KCNA7: variants seen among roughly 807,000 people sequenced by gnomAD.
KCNA7 encodes potassium channel, voltage gated shaker related subfamily A, member 7.
In KCNA7, 15 loss-of-function variants were observed where a neutral mutation model predicts 21.5. The ratio of observed to expected loss-of-function variants is 0.70; its 90% CI spans 0.47 to 1.07. KCNA7 has a LOEUF of 1.07. Ranked by LOEUF, KCNA7 falls within the 50% of genes least tolerant of loss-of-function variation. The probability of loss-of-function intolerance (pLI) is 0.00; values close to 1 mark genes in which losing one functional copy is unlikely to be tolerated. For synonymous variants in KCNA7, 298 were observed against 291.0 expected (o/e 1.02, Z -0.24); for missense variants, 640 against 651.6 (o/e 0.98, Z 0.19).
chr19:49,071,533 G>A lies in KCNA7; in HGVS notation c.555+498C>T, dbSNP rs530720755. ...ATAGCGCCATTGCACTCCAGCCTGG[G>A]CGACAGAGCAAGACTCTGTCTCACA... On this transcript the variant is annotated intron_variant, in intron 1 of 1. Transcript: ENST00000221444. Among the ~76,000 whole-genome samples the A allele has an allele frequency of 3.7e-4, 56 of 151,938 alleles. 1 individual carries two copies. The highest frequency in any genetic ancestry group is 3.4e-3 in the Middle Eastern group (1 of 294).
intron 1 of KCNA7, 96 bp downstream of exon 1, chr19:49,071,929 CTCGCAG>C: frequency 1.7e-6 from 2 of 1,198,786 alleles, no homozygotes; most frequent in Non-Finnish European, 1.1e-6. Context: ...TGGCCCACCC[CTCGCAG>C]CCCCTGGCCC....
chr19:49,071,984 A>T lies in KCNA7; in HGVS notation c.555+47T>A, dbSNP rs115128299. The T allele has an allele frequency of 3.2e-4, 395 of 1,247,262 alleles. 2 individuals are homozygous for T. The African/African-American group carries it at 6.3e-3, about 20-fold the overall frequency. The allele number at this position is 1,247,262 out of a possible 1,614,324, so 77.3% of individuals were successfully genotyped here. A position where few individuals can be genotyped will look rare whatever the true frequency, so the allele number is the denominator to read the frequency against. ...GCCAGGTCCCCTCTGGACCCCGCCC[A>T]TCTCCTCCCAAACCCCGCCCGTCTC... On this transcript the variant is annotated intron_variant, in intron 1 of 1. Transcript: ENST00000221444.
rs45483292 is a variant in KCNA7, at chr19:49,067,675, G to A, written c.*2388C>T. 0.039 allele frequency: 5,902 copies of A among 152,208 alleles called. 145 individuals carry two copies. Among genetic ancestry groups the A allele is most frequent in the East Asian group, 0.086 (445 of 5,158 alleles). The allele number at this position is 152,208 out of a possible 1,614,324, so 9.4% of individuals were successfully genotyped here. A position where few individuals can be genotyped will look rare whatever the true frequency, so the allele number is the denominator to read the frequency against. Reference sequence around the variant, plus strand: ...GTGAAGCAGACAGACAGCCTGCCTGGCCCCTGGGGACAAGCTGTGAGACCT... The same window carrying A: ...GTGAAGCAGACAGACAGCCTGCCTGACCCCTGGGGACAAGCTGTGAGACCT... On this transcript the variant is annotated 3_prime_UTR_variant, in exon 2 of 2. Coordinates refer to ENST00000221444, the MANE Select transcript of KCNA7 (RefSeq NM_031886.3).
In KCNA7 at chr19:49,072,181, A is replaced by G; in HGVS notation, c.405T>C (p.Phe135=). ...CGCGCGCGGCCTGAGAGCTCTCGGG[A>G]AACTCGAAAAGCAGCCACAGCTGGC... is the stretch of plus-strand genomic sequence containing the variant. The part of the protein sequence containing the change: ...FARQLWLLFE[F]PESSQAARVL... The change falls in exon 1 of 2, where the codon TTT becomes TTC. Residue 135 remains phenylalanine, a synonymous_variant. Coordinates refer to ENST00000221444, the MANE Select transcript of KCNA7 (RefSeq NM_031886.3). 6.2e-7 allele frequency: 1 copy of G among 1,611,588 alleles called. No homozygotes were observed.
In KCNA7 at chr19:49,070,902, G is replaced by A. The variant is rs1263721479; in HGVS notation, c.556-24C>T. 5.7e-6 allele frequency: 9 copies of A among 1,592,658 alleles called. No homozygotes were observed. The highest frequency in any genetic ancestry group is 7.7e-6 in the Non-Finnish European group (9 of 1,167,576). Reference sequence around the variant, plus strand: ...AACTGCAGGGAGGAAAGTGTTCAGGGAGGGTCAGGCTGGGGCTAGGACACG... The same window carrying A: ...AACTGCAGGGAGGAAAGTGTTCAGGAAGGGTCAGGCTGGGGCTAGGACACG... On this transcript the variant is annotated intron_variant, in intron 1 of 1. Transcript: ENST00000221444. This position sits in a 1 kb window ranked among gnomAD's most constrained non-coding sequence, Gnocchi z 4.3.
At position 49,070,868 on chromosome 19, in the gene KCNA7, G is replaced by T. The variant is rs1611775; in HGVS notation, c.566C>A (p.Pro189Gln). ...AAAAAGPFPA[P>Q]LNGSSQMPGN... The stretch of plus-strand genomic sequence containing the variant: ...AGGCATTTGGCTGGAGCCATTCAGC[G>T]GAGCGGGGAACTGCAGGGAGGAAAG... Residue 189 changes from proline (P) to glutamine (Q), a missense_variant, in exon 2 of 2, where the codon CCG becomes CAG. Transcript: ENST00000221444. The surrounding 1 kb of genome is among the most constrained non-coding windows in gnomAD (Gnocchi z 4.3). The T allele has an allele frequency of 1.2e-6, 2 of 1,612,066 alleles. No homozygotes were observed. The highest frequency in any genetic ancestry group is 8.5e-7 in the Non-Finnish European group (1 of 1,178,894).
rs2040263909 is a variant in KCNA7 at position 49,072,196 on chromosome 19, C to A, written c.390G>T (p.Trp130Cys). The A allele has an allele frequency of 6.2e-7, 1 of 1,611,518 alleles. No homozygotes were observed. The highest frequency in any genetic ancestry group is 2.2e-5 in the East Asian group (1 of 44,836). ...AGCTCTCGGGAAACTCGAAAAGCAG[C>A]CACAGCTGGCGGGCGAAGGCGCGGC... Reference protein sequence around the residue: ...LPRRAFARQLWLLFEFPESSQ... With the variant: ...LPRRAFARQLCLLFEFPESSQ... The change falls in exon 1 of 2, where the codon TGG (tryptophan) becomes TGT (cysteine). Residue 130 changes from tryptophan to cysteine, a missense_variant. By Grantham distance (215) the Trp-to-Cys change is radical. Coordinates refer to ENST00000221444, the MANE Select transcript of KCNA7 (RefSeq NM_031886.3).
In KCNA7 at chr19:49,068,568, C is replaced by T. The variant is rs1291966414; in HGVS notation, c.*1495G>A. 6.6e-6 allele frequency: 1 copy of T among 152,396 alleles called. No individual in the cohort carries two copies. The highest frequency in any genetic ancestry group is 6.5e-5 in the Admixed American group (1 of 15,286). 9.4% of individuals were successfully genotyped at this position (152,396 alleles called of 1,614,324 possible). A position where few individuals can be genotyped will look rare whatever the true frequency, so the allele number is the denominator to read the frequency against. On this transcript the variant is annotated 3_prime_UTR_variant, in exon 2 of 2. Transcript: ENST00000221444. ...CCTCAATCAATCCCCCTTCCTCGGT[C>T]TCCCAGAGTGCTGAGATTACAGGCA...
Position 49,072,088 on chromosome 19 carries a change from A to C in KCNA7, c.498T>G (p.Pro166=). 2 of 1,611,724 alleles carry C rather than the reference A, an allele frequency of 1.2e-6. No homozygotes were observed. Among genetic ancestry groups the C allele is most frequent in the South Asian group, 2.2e-5 (2 of 91,002 alleles). ...TGCCGTCGCGGTCGTCGCGGAAGTCAGGCAGCGTCTCGAGGCAGAAGACGA... is the reference window on the plus strand; with the variant it reads ...TGCCGTCGCGGTCGTCGCGGAAGTCCGGCAGCGTCTCGAGGCAGAAGACGA... ...SIVVFCLETL[P]DFRDDRDGTG... The change falls in exon 1 of 2, where the codon CCT becomes CCG. Residue 166 remains proline (P), a synonymous_variant. Transcript: ENST00000221444.
In KCNA7 at chr19:49,072,280, G is replaced by A. The variant is rs779409767; in HGVS notation, c.306C>T (p.Ala102=). The A allele has an allele frequency of 1.8e-5, 29 of 1,580,436 alleles. No individual in the cohort carries two copies. The highest frequency in any genetic ancestry group is 2.5e-5 in the Non-Finnish European group (29 of 1,168,118). ...EVAFYGLGAA[A]LARLREDEGC... ...CCTCGTCCTCGCGCAGGCGTGCCAG[G>A]GCCGCCGCGCCCAGCCCGTAGAAGG... Residue 102 remains alanine (A), a synonymous_variant, in exon 1 of 2, where the codon GCC becomes GCT. Transcript: ENST00000221444.
At position 49,070,140 on chromosome 19, in the gene KCNA7, G is replaced by C; in HGVS notation, c.1294C>G (p.Leu432Val). The C allele has an allele frequency of 6.2e-7, 1 of 1,613,600 alleles. No individual in the cohort carries two copies. Among genetic ancestry groups the C allele is most frequent in the Non-Finnish European group, 8.5e-7 (1 of 1,179,800 alleles). Reference protein sequence around the residue: ...GPLEGKANGGLVDGEVPELPP... With the variant: ...GPLEGKANGGVVDGEVPELPP... ...AGCTCAGGTACCTCCCCGTCCACCA[G>C]CCCCCCATTGGCCTTGCCCTCCAGT... The change falls in exon 2 of 2, where the codon CTG becomes GTG. Residue 432 changes from leucine (L) to valine (V), a missense_variant. Coordinates refer to ENST00000221444, the MANE Select transcript of KCNA7 (RefSeq NM_031886.3). The surrounding 1 kb of genome is among the most constrained non-coding windows in gnomAD (Gnocchi z 4.3).
At position 49,071,557 on chromosome 19, in the gene KCNA7, C is replaced by A. The variant is rs1424997273; in HGVS notation, c.555+474G>T. On this transcript the variant is annotated intron_variant, in intron 1 of 1. Coordinates refer to ENST00000221444, the MANE Select transcript of KCNA7 (RefSeq NM_031886.3). ...GGCGACAGAGCAAGACTCTGTCTCA[C>A]AGGAAATAAAAAAAAAAAGACCTTC... 3.8e-4 allele frequency among the ~76,000 whole-genome samples: 56 copies of A among 146,228 alleles called. No homozygotes were observed. The Middle Eastern group carries it at 0.027, about 72-fold the overall frequency.
Position 49,070,910 on chromosome 19 carries a change from G to C in KCNA7, c.556-32C>G. 1.3e-6 allele frequency: 2 copies of C among 1,575,550 alleles called. No individual in the cohort carries two copies. Among genetic ancestry groups the C allele is most frequent in the South Asian group, 2.3e-5 (2 of 86,594 alleles). On this transcript the variant is annotated intron_variant, in intron 1 of 1. Coordinates refer to ENST00000221444, the MANE Select transcript of KCNA7 (RefSeq NM_031886.3). The surrounding 1 kb of genome is among the most constrained non-coding windows in gnomAD (Gnocchi z 4.3). ...GGAGGAAAGTGTTCAGGGAGGGTCAGGCTGGGGCTAGGACACGGGGACAGC... is the reference window on the plus strand; with the variant it reads ...GGAGGAAAGTGTTCAGGGAGGGTCACGCTGGGGCTAGGACACGGGGACAGC...
rs777262213 is a variant in KCNA7 at position 49,070,730 on chromosome 19, G to A, written c.704C>T (p.Ala235Val). The stretch of plus-strand genomic sequence containing the variant: ...GTTCATCACGTTCTTGAAGAAGATA[G>A]CCTTGCTTGGACAGACCAGGAGGCG... ...LVRLLVCPSK[A>V]IFFKNVMNLI... Residue 235 changes from alanine to valine, a missense_variant, in exon 2 of 2, where the codon GCT becomes GTT. Ala to Val is a moderately conservative substitution (Grantham distance 64). Coordinates refer to ENST00000221444, the MANE Select transcript of KCNA7 (RefSeq NM_031886.3). This position sits in a 1 kb window ranked among gnomAD's most constrained non-coding sequence, Gnocchi z 4.3. The A allele has an allele frequency of 1.1e-5, 17 of 1,614,076 alleles. No homozygotes were observed. The highest frequency in any genetic ancestry group is 3.3e-5 in the Admixed American group (2 of 59,996).
Position 49,069,845 on chromosome 19 carries a change from A to G in KCNA7, c.*218T>C, listed in dbSNP as rs1485970003. The G allele has an allele frequency of 3.5e-6, 2 of 569,014 alleles. No individual in the cohort carries two copies. Among genetic ancestry groups the G allele is most frequent in the Non-Finnish European group, 6.2e-6 (2 of 320,526 alleles). 35.2% of individuals were successfully genotyped at this position (569,014 alleles called of 1,614,324 possible). Reference sequence around the variant, plus strand: ...GAACCAATTGAGTCTTCATTAACACAACACAACCCATTGCCATTCGCTGCT... The same window carrying G: ...GAACCAATTGAGTCTTCATTAACACGACACAACCCATTGCCATTCGCTGCT... On this transcript the variant is annotated 3_prime_UTR_variant, in exon 2 of 2. Transcript: ENST00000221444.
chr19:49,069,217 G>A lies in KCNA7; in HGVS notation c.*846C>T, dbSNP rs966642578. Reference sequence around the variant, plus strand: ...GTCCAACTCAACCCAACTTCCTGTAGGACTCACATAGTGACACAACTCAAT... The same window carrying A: ...GTCCAACTCAACCCAACTTCCTGTAAGACTCACATAGTGACACAACTCAAT... On this transcript the variant is annotated 3_prime_UTR_variant, in exon 2 of 2. Coordinates refer to ENST00000221444, the MANE Select transcript of KCNA7 (RefSeq NM_031886.3). 3.3e-5 allele frequency: 5 copies of A among 152,158 alleles called. No homozygotes were observed. The highest frequency in any genetic ancestry group is 2.6e-4 in the Admixed American group (4 of 15,276). 9.4% of individuals were successfully genotyped at this position (152,158 alleles called of 1,614,324 possible).
In KCNA7 at chr19:49,069,978, TC is replaced by T; in HGVS notation, c.*84del. 9.3e-7 allele frequency: 1 copy of T among 1,069,794 alleles called. No homozygotes were observed. The highest frequency in any genetic ancestry group is 1.4e-6 in the Non-Finnish European group (1 of 728,518). The allele number at this position is 1,069,794 out of a possible 1,614,324, so 66.3% of individuals were successfully genotyped here. On this transcript the variant is annotated 3_prime_UTR_variant, in exon 2 of 2. Coordinates refer to ENST00000221444, the MANE Select transcript of KCNA7 (RefSeq NM_031886.3). ...TTAACCTAGCTCTTCCTAAACCCAATCCCCTCCCCCCAGCCTTGCCCTCCAC... is the reference window on the plus strand; with the variant it reads ...TTAACCTAGCTCTTCCTAAACCCAATCCCTCCCCCCAGCCTTGCCCTCCAC...
At position 49,072,476 on chromosome 19, in the gene KCNA7, G is replaced by C. The variant is rs780652724; in HGVS notation, c.110C>G (p.Thr37Ser). Residue 37 changes from threonine (T) to serine (S), a missense_variant, in exon 1 of 2, where the codon ACT becomes AGT. Thr to Ser is a moderately conservative substitution (Grantham distance 58, BLOSUM62 1). Transcript: ENST00000221444. ...GCGGCGCGCTGGGTCCCCTAGCAGA[G>C]TGTCCGGGAAGCGGCCCAGCGTGCG... ...RARTLGRFPD[T>S]LLGDPARRGR... 9.6e-6 allele frequency: 15 copies of C among 1,554,442 alleles called. No homozygotes were observed. The highest frequency in any genetic ancestry group is 1.1e-5 in the Non-Finnish European group (13 of 1,160,742).
chr19:49,072,568 C>T lies in KCNA7; in HGVS notation c.18G>A (p.Pro6=). 1.5e-6 allele frequency: 2 copies of T among 1,336,570 alleles called. No homozygotes were observed. The highest frequency in any genetic ancestry group is 1.9e-6 in the Non-Finnish European group (2 of 1,050,284). The allele number at this position is 1,336,570 out of a possible 1,614,324, so 82.8% of individuals were successfully genotyped here. Residue 6 remains proline, a synonymous_variant, in exon 1 of 2, where the codon CCG becomes CCA. Coordinates refer to ENST00000221444, the MANE Select transcript of KCNA7 (RefSeq NM_031886.3). MEPRC[P]PPCGCCERLV... ...GCCGCTCGCAGCAGCCGCACGGCGG[C>T]GGGCACCGCGGCTCCATGGCGCGCG...
Sources: gnomAD v4.1 joint callset for allele counts (sites outside exome capture counted in the v4.1 genomes callset) on GRCh38, gnomAD v4.1.1 for gene constraint, Gnocchi (gnomAD v3.1) non-coding constraint, MANE v1.5 for transcripts, NCBI Gene and HGNC (gene_info 2026-07-23, HGNC 2026-07-21) for gene names.